Variants in RP1 observed in about 807,000 individuals in gnomAD.
RP1 encodes the protein RP1 axonemal microtubule associated, also known as oxygen-regulated protein 1.
Under a neutral mutation model 14.8 loss-of-function variants are expected in RP1, and 16 were observed. That is an observed-to-expected ratio of 1.08 (90% CI 0.73 to 1.65). RP1 has a LOEUF of 1.65. Among genes scored for constraint, RP1 ranks in the 40% most tolerant of loss-of-function variants. RP1 has a pLI of 0.00. For synonymous variants in RP1, 876 were observed against 883.6 expected (o/e 0.99, Z 0.15); for missense variants, 2,631 against 2,535.0 (o/e 1.04, Z -0.81).
exon 27 of RP1, chr8:54,857,105 A>G: frequency 2.5e-6 from 3 of 1,213,122 alleles, no homozygotes; most frequent in Non-Finnish European, 3.1e-6. Flanking sequence ...GAACAGGTCC[A>G]GGTAAGATTT....
intron 24 of RP1, among the ~76,000 whole-genome samples, chr8:54,801,203 T>C (rs533024509): frequency 1.3e-5 from 2 of 152,226 alleles, no homozygotes; most frequent in Non-Finnish European, 2.9e-5. Flanking sequence ...TCTGTCTACC[T>C]GGCTTTGGCT....
chr8:54,763,584 G>A (rs966719051), intron 22 of RP1, among the ~76,000 whole-genome samples: 1 of 152,180 alleles, frequency 6.6e-6, no homozygotes, highest in African/African-American at 2.4e-5. Flanking sequence ...GGAGGCTGAG[G>A]CAGGAGAATT....
At chr8:54,781,976 C>T (rs769818393) in intron 23 of RP1, among the ~76,000 whole-genome samples, 2 of 152,076 alleles carry the variant, frequency 1.3e-5, no homozygotes, top group Non-Finnish European at 2.9e-5. Flanking sequence ...CCCGTCCCTC[C>T]CCCCATGATA....
intron 24 of RP1, among the ~76,000 whole-genome samples, chr8:54,793,852 C>A (rs28831728): frequency 0.43 from 65,379 of 151,516 alleles, 14,611 homozygotes; most frequent in African/African-American, 0.54. Flanking sequence ...AAAAATAGGG[C>A]ATCCAAATCA....
intron 5 of RP1, among the ~76,000 whole-genome samples, chr8:54,655,754 G>A (rs1806741789): frequency 6.6e-6 from 1 of 152,142 alleles, no homozygotes; most frequent in South Asian, 2.1e-4. Context: ...GCAGTGGCAC[G>A]TGTCTGTAGT....
Position 54,628,407 on chromosome 8 carries a change from A to C in RP1, c.4525A>C (p.Ile1509Leu). The change falls in exon 4 of 4, where the codon ATC becomes CTC. Residue 1509 changes from isoleucine to leucine, a missense_variant. Transcript: ENST00000220676. ...TAGTAAAACTTTAGAATTGATAGAC[A>C]TCTCTAGTAAGAATATTATGGAAGA... is the stretch of plus-strand genomic sequence containing the variant. Reference protein sequence around the residue: ...EASKTLELIDISSKNIMEEKR... With the variant: ...EASKTLELIDLSSKNIMEEKR... 6.2e-7 allele frequency: 1 copy of C among 1,613,586 alleles called. No individual in the cohort carries two copies. The highest frequency in any genetic ancestry group is 1.1e-5 in the South Asian group (1 of 91,060).
Position 54,627,730 on chromosome 8 carries a change from G to T in RP1, c.3848G>T (p.Ser1283Ile), listed in dbSNP as rs374445605. 33 of 1,614,012 alleles carry T rather than the reference G, an allele frequency of 2.0e-5. No homozygotes were observed. The highest frequency in any genetic ancestry group is 2.5e-5 in the Non-Finnish European group (30 of 1,179,984). The change falls in exon 4 of 4, where the codon AGT becomes ATT. Residue 1283 changes from serine to isoleucine, a missense_variant. Physicochemically the swap from Ser to Ile is moderately radical, Grantham distance 142 (BLOSUM62 -2). Transcript: ENST00000220676. Reference protein sequence around the residue: ...TCNPSDTFFPSDGYGVDQTSM... With the variant: ...TCNPSDTFFPIDGYGVDQTSM... ...AACCCCAGTGACACTTTTTTTCCTA[G>T]TGATGGTTATGGTGTGGATCAGACT...
chr8:54,800,823 T>G (rs910562736), intron 24 of RP1, among the ~76,000 whole-genome samples: 6 of 152,222 alleles, frequency 3.9e-5, no homozygotes, highest in African/African-American at 1.4e-4. Flanking sequence ...TGTATGATAG[T>G]TTTAACATTT....
At chr8:54,639,849 A>G (rs1806423023) in intron 3 of RP1, among the ~76,000 whole-genome samples, 1 of 152,194 alleles carries the variant, frequency 6.6e-6, no homozygotes, top group African/African-American at 2.4e-5. Context: ...AATATACAAT[A>G]TATTCAGATG....
intron 16 of RP1, among the ~76,000 whole-genome samples, chr8:54,725,808 T>C (rs1808640252): frequency 6.6e-6 from 1 of 152,182 alleles, no homozygotes; most frequent in South Asian, 2.1e-4. Context: ...GAGCATATAC[T>C]ATAAAGTTGA....
In RP1 at chr8:54,627,964, A is replaced by C; in HGVS notation, c.4082A>C (p.Glu1361Ala). 1 of 1,614,086 alleles carries C rather than the reference A, an allele frequency of 6.2e-7. No individual in the cohort carries two copies. The highest frequency in any genetic ancestry group is 8.5e-7 in the Non-Finnish European group (1 of 1,179,968). ...TYTDNLDSTEELERGDDIQKD... is the reference protein window; with the variant it reads ...TYTDNLDSTEALERGDDIQKD... ...ACTGATAACTTGGATTCAACTGAAG[A>C]GTTAGAAAGAGGTGATGACATTCAG... The change falls in exon 4 of 4, where the codon GAG becomes GCG. Residue 1361 changes from glutamate to alanine, a missense_variant. Physicochemically the swap from Glu to Ala is moderately radical, Grantham distance 107. Transcript: ENST00000220676.
chr8:54,740,403 T>TAAAAAAAAAAAAAAAA lies in RP1; in HGVS notation c.2808+1387_2808+1402dup. 2.5e-5 allele frequency among the ~76,000 whole-genome samples: 2 copies of TAAAAAAAAAAAAAAAA among 80,238 alleles called. 1 individual carries two copies. The highest frequency in any genetic ancestry group is 9.2e-5 in the African/African-American group (2 of 21,810). 52.6% of individuals were successfully genotyped at this position (80,238 alleles called of 152,430 possible). A position where few individuals can be genotyped will look rare whatever the true frequency, so the allele number is the denominator to read the frequency against. On this transcript the variant is annotated intron_variant, in intron 19 of 22. Transcript: ENST00000636932. Reference sequence around the variant, plus strand: ...ATTTTTAACAAGAAAGCTTAAAAAGTAAAAAAAAAAAAAAAAAAAAAAAAA... The same window carrying TAAAAAAAAAAAAAAAA: ...ATTTTTAACAAGAAAGCTTAAAAAGTAAAAAAAAAAAAAAAAAAAAAAAAAAAAAAAAAAAAAAAAA...
At chr8:54,800,745 T>A (rs1035267621) in intron 24 of RP1, among the ~76,000 whole-genome samples, 1 of 152,322 alleles carries the variant, frequency 6.6e-6, no homozygotes, top group Middle Eastern at 3.4e-3. Context: ...ACTCACCTGT[T>A]TTTTTATGTT....
intron 12 of RP1, among the ~76,000 whole-genome samples, chr8:54,693,784 T>TCTTTTC (rs1807781227): frequency 6.6e-6 from 1 of 152,204 alleles, no homozygotes; most frequent in African/African-American, 2.4e-5. Flanking sequence ...TTTGACTTCC[T>TCTTTTC]CTTTTCCTAA....
intron 28 of RP1, among the ~76,000 whole-genome samples, chr8:54,866,596 G>A (rs1161988790): frequency 1.3e-5 from 2 of 152,186 alleles, no homozygotes; most frequent in African/African-American, 4.8e-5. Context: ...ATGTAGTTAA[G>A]TTCCCTCCAT....
chr8:54,689,802 T>G (rs1807666751), intron 12 of RP1, among the ~76,000 whole-genome samples: 1 of 152,066 alleles, frequency 6.6e-6, no homozygotes, highest in Non-Finnish European at 1.5e-5. Context: ...TCTATTTACT[T>G]GGCATCCCCT....
Position 54,734,624 on chromosome 8 carries a change from AG to A in RP1, c.2603del (p.Gly868GlufsTer20). 6.5e-7 allele frequency: 1 copy of A among 1,535,800 alleles called. No individual in the cohort carries two copies. The highest frequency in any genetic ancestry group is 2.4e-5 in the East Asian group (1 of 40,912). ...AGGTGTTAGTGCTGACAGGAAATAC[AG>A]GAACTCAAGCCAATGTCACTCTCTG... is the stretch of plus-strand genomic sequence containing the variant. On this transcript the variant is annotated frameshift_variant, in exon 18 of 23. Transcript: ENST00000636932. LOFTEE classifies it high-confidence loss of function.
chr8:54,710,636 T>C (rs971934796), intron 15 of RP1, among the ~76,000 whole-genome samples: 4 of 152,202 alleles, frequency 2.6e-5, no homozygotes, highest in Non-Finnish European at 4.4e-5. Context: ...GAGAATTTTA[T>C]TGAGCAATGA....
At chr8:54,683,857 G>C (rs1213448432) in intron 12 of RP1, among the ~76,000 whole-genome samples, 1 of 152,144 alleles carries the variant, frequency 6.6e-6, no homozygotes, top group African/African-American at 2.4e-5. Flanking sequence ...TAGTAAGAGA[G>C]GGCATCCTTA....
Sources: allele counts gnomAD v4.1 joint callset (sites outside exome capture counted in the v4.1 genomes callset), GRCh38; gene constraint gnomAD v4.1.1; transcripts MANE v1.5; gene names NCBI Gene and HGNC (gene_info 2026-07-23, HGNC 2026-07-21).